CSMD1: variants seen among roughly 807,000 people sequenced by gnomAD.
CSMD1 encodes the protein CUB and sushi domain-containing protein 1.
A neutral mutation model predicts 417.5 loss-of-function variants in CSMD1; 213 were observed. The ratio of observed to expected loss-of-function variants is 0.51; its 90% CI spans 0.46 to 0.57. CSMD1 has a LOEUF of 0.57. Among genes scored for constraint, CSMD1 ranks in the 20% least tolerant of loss-of-function variants. The pLI is 0.00. For missense variants in CSMD1, 6,923 were observed against 4,529.7 expected (o/e 1.53, Z -15.17); for synonymous variants, 2,862 against 1,736.8 (o/e 1.65, Z -16.11).
chr8:4,249,501 G>C (rs180768432), intron 3 of CSMD1, among the ~76,000 whole-genome samples: 49 of 152,318 alleles, frequency 3.2e-4, no homozygotes, highest in African/African-American at 1.1e-3. Context: ...TAATGCGGAA[G>C]GATGTAGAGA....
chr8:4,798,364 G>A (rs1338236688), intron 1 of CSMD1, among the ~76,000 whole-genome samples: 1 of 152,072 alleles, frequency 6.6e-6, no homozygotes, highest in Admixed American at 6.5e-5. Flanking sequence ...TGGCTGCATA[G>A]TATTCCATGG....
intron 3 of CSMD1, among the ~76,000 whole-genome samples, chr8:4,119,090 A>C (rs1281504644): frequency 6.6e-6 from 1 of 152,058 alleles, no homozygotes. Context: ...GGGACCTGTC[A>C]GTGGGTGGGG....
intron 3 of CSMD1, among the ~76,000 whole-genome samples, chr8:4,325,498 C>G (rs759981217): frequency 6.6e-6 from 1 of 152,152 alleles, no homozygotes; most frequent in Non-Finnish European, 1.5e-5. Context: ...TGAAGTTTGT[C>G]TGCTCATTTT....
chr8:4,471,735 A>T (rs1168172943), intron 2 of CSMD1, among the ~76,000 whole-genome samples: 1 of 114,846 alleles, frequency 8.7e-6, no homozygotes, highest in Non-Finnish European at 2.2e-5. Context: ...AAACACGCGG[A>T]GAAAAGAAGT....
chr8:3,722,638 T>C (rs779865436), intron 6 of CSMD1, among the ~76,000 whole-genome samples: 1 of 152,164 alleles, frequency 6.6e-6, no homozygotes, highest in Non-Finnish European at 1.5e-5. Flanking sequence ...AACTGTTTGG[T>C]CCAGGCATGA....
rs550306593 is a variant in CSMD1, at chr8:3,719,362, G to C, written c.932-10871C>G. On this transcript the variant is annotated intron_variant, in intron 6 of 69. Transcript: ENST00000635120. ...TTCTGAAATCCTGAGCCACAGCCTC[G>C]GATTTTTTCATCTGTTAAAAGAAGG... is the stretch of plus-strand genomic sequence containing the variant. Among the ~76,000 whole-genome samples the C allele has an allele frequency of 4.6e-5, 7 of 152,106 alleles. No individual in the cohort carries two copies. In the East Asian group the frequency reaches 1.2e-3, roughly 25 times the overall value.
chr8:4,186,646 T>A (rs1304227444), intron 3 of CSMD1, among the ~76,000 whole-genome samples: 1 of 152,136 alleles, frequency 6.6e-6, no homozygotes, highest in Non-Finnish European at 1.5e-5. Context: ...TATTTTTAGA[T>A]GCCTCTATTT....
At chr8:4,103,145 G>A (rs1381879798) in intron 3 of CSMD1, among the ~76,000 whole-genome samples, 2 of 152,054 alleles carry the variant, frequency 1.3e-5, no homozygotes, top group African/African-American at 2.4e-5. Context: ...ATTTTGCAAA[G>A]TAGCCACAAC....
At chr8:4,318,445 T>G (rs143409882) in intron 3 of CSMD1, among the ~76,000 whole-genome samples, 4 of 152,212 alleles carry the variant, frequency 2.6e-5, no homozygotes, top group African/African-American at 4.8e-5. Context: ...GAAAATTACA[T>G]TGAGTTAAAA....
intron 3 of CSMD1, among the ~76,000 whole-genome samples, chr8:4,329,949 G>A (rs1035476371): frequency 6.6e-6 from 1 of 151,984 alleles, no homozygotes; most frequent in Non-Finnish European, 1.5e-5. Flanking sequence ...TTTCTGCCAT[G>A]ACTGGAAGCT....
intron 25 of CSMD1, among the ~76,000 whole-genome samples, chr8:3,301,701 A>T (rs1804420174): frequency 6.6e-6 from 1 of 152,148 alleles, no homozygotes; most frequent in African/African-American, 2.4e-5. Context: ...ATACACCTGG[A>T]AAGCCGCACT....
chr8:3,764,950 G>T (rs1426765765), intron 5 of CSMD1, among the ~76,000 whole-genome samples: 2 of 151,746 alleles, frequency 1.3e-5, no homozygotes, highest in African/African-American at 4.8e-5. Flanking sequence ...TTCACATGTT[G>T]ACCAGGCTGG....
intron 1 of CSMD1, among the ~76,000 whole-genome samples, chr8:4,943,885 C>G (rs1437639951): frequency 6.6e-6 from 1 of 152,142 alleles, no homozygotes; most frequent in Non-Finnish European, 1.5e-5. Flanking sequence ...GCCCAAAACG[C>G]TTAAAGGTAC....
intron 10 of CSMD1, among the ~76,000 whole-genome samples, chr8:3,535,812 C>A (rs1036984517): frequency 1.3e-5 from 2 of 152,164 alleles, no homozygotes; most frequent in African/African-American, 2.4e-5. Context: ...GGATTCCTTG[C>A]AGTTTCCTCT....
At chr8:3,980,498 C>T (rs144511208) in intron 5 of CSMD1, among the ~76,000 whole-genome samples, 1 of 152,152 alleles carries the variant, frequency 6.6e-6, no homozygotes, top group East Asian at 1.9e-4. Context: ...TCACTCTGCT[C>T]GTCTCTGCTT....
chr8:4,156,969 G>A (rs757655749), intron 3 of CSMD1, among the ~76,000 whole-genome samples: 10 of 152,066 alleles, frequency 6.6e-5, no homozygotes, highest in African/African-American at 1.9e-4. Flanking sequence ...CAACTGCTTG[G>A]CAGATGATGC....
chr8:3,244,751 G>C (rs574257681), intron 26 of CSMD1, among the ~76,000 whole-genome samples: 1 of 152,174 alleles, frequency 6.6e-6, no homozygotes, highest in Non-Finnish European at 1.5e-5. Flanking sequence ...GAATGGGAGG[G>C]ATATAAAGTA....
rs202079860 is a variant in CSMD1, at chr8:2,955,758, G to A, written c.9825C>T (p.Cys3275=). Residue 3275 remains cysteine, a synonymous_variant, in exon 64 of 70, where the codon TGC becomes TGT. Coordinates refer to ENST00000635120, the MANE Select transcript of CSMD1 (RefSeq NM_033225.6). ...GIQTECIPHA[C]RQPETPAHAD... The stretch of plus-strand genomic sequence containing the variant: ...CGTGTGCCGGGGTTTCTGGCTGTCT[G>A]CAGGCATGAGCTGAAACAACATTAG... 91 of 1,613,490 alleles carry A rather than the reference G, an allele frequency of 5.6e-5. No individual in the cohort carries two copies. Among genetic ancestry groups the A allele is most frequent in the Middle Eastern group, 5.0e-4 (3 of 6,056 alleles).
At chr8:3,281,439 A>T (rs908403234) in intron 26 of CSMD1, among the ~76,000 whole-genome samples, 1 of 152,136 alleles carries the variant, frequency 6.6e-6, no homozygotes, top group African/African-American at 2.4e-5. Flanking sequence ...GCAAGACTCC[A>T]TCTCAAGGAA....
Sources: allele counts gnomAD v4.1 joint callset (sites outside exome capture counted in the v4.1 genomes callset), GRCh38; gene constraint gnomAD v4.1.1; transcripts MANE v1.5; gene names NCBI Gene and HGNC (gene_info 2026-07-23, HGNC 2026-07-21).